ABTB2: variants seen among roughly 807,000 people sequenced by gnomAD.
The protein encoded by ABTB2 is ankyrin repeat and BTB domain containing 2.
In ABTB2, 56 loss-of-function variants were observed where a neutral mutation model predicts 104.1. The ratio of observed to expected loss-of-function variants is 0.54; its 90% CI spans 0.43 to 0.67. The LOEUF is 0.67. ABTB2 is among the 30% of genes least tolerant of loss of function. ABTB2 has a pLI of 0.00. For missense variants in ABTB2, 1,279 were observed against 1,407.7 expected (o/e 0.91, Z 1.46); for synonymous variants, 606 against 608.2 (o/e 1.00, Z 0.05).
intron 1 of ABTB2, among the ~76,000 whole-genome samples, chr11:34,275,643 C>T (rs991387723): frequency 2.6e-5 from 4 of 152,182 alleles, no homozygotes; most frequent in South Asian, 2.1e-4. Context: ...ATGTGGATCC[C>T]GACTCCGTGC....
chr11:34,199,231 C>T (rs935933364), intron 2 of ABTB2, among the ~76,000 whole-genome samples: 1 of 152,120 alleles, frequency 6.6e-6, no homozygotes, highest in Non-Finnish European at 1.5e-5. Flanking sequence ...GTTTGGCTTC[C>T]AGGCAGGGAC....
chr11:34,236,818 A>T (rs1956592944), intron 1 of ABTB2, among the ~76,000 whole-genome samples: 1 of 152,210 alleles, frequency 6.6e-6, no homozygotes, highest in South Asian at 2.1e-4. Flanking sequence ...CCTCTGCCCT[A>T]ATCATTCCAG....
chr11:34,255,872 A>G (rs1482390506), intron 1 of ABTB2, among the ~76,000 whole-genome samples: 1 of 152,168 alleles, frequency 6.6e-6, no homozygotes, highest in East Asian at 1.9e-4. Context: ...GAGGAGCCAT[A>G]AAAATAGAGG....
At chr11:34,165,496 A>G (rs1010916743) in intron 7 of ABTB2, 140 bp from the exon 8 acceptor site, 1 of 643,728 alleles carries the variant, frequency 1.6e-6, no homozygotes. Flanking sequence ...CAGCTGAGGA[A>G]CTGGAACTTT....
intron 1 of ABTB2, among the ~76,000 whole-genome samples, chr11:34,269,606 G>A (rs2755165): frequency 0.13 from 20,354 of 152,250 alleles, 3,981 homozygotes; most frequent in African/African-American, 0.43. Flanking sequence ...GCAACCAAAT[G>A]GTAAGGCTGT....
chr11:34,160,315 G>A lies in ABTB2; in HGVS notation c.2436C>T (p.Thr812=). 1.2e-6 allele frequency: 2 copies of A among 1,614,182 alleles called. No individual in the cohort carries two copies. Among genetic ancestry groups the A allele is most frequent in the Non-Finnish European group, 1.7e-6 (2 of 1,180,008 alleles). Residue 812 remains threonine, a synonymous_variant, in exon 12 of 17, where the codon ACC becomes ACT. Coordinates refer to ENST00000435224, the MANE Select transcript of ABTB2 (RefSeq NM_145804.3). ...GGATGGGACTGCTGCCATAGCAGTG[G>A]GTGAAGATGGTAGCCAGTTGCTGGA... The part of the protein sequence containing the change: ...SVIQQLATIF[T]HCYGSSPIPS...
Position 34,252,078 on chromosome 11 carries a change from T to C in ABTB2, c.884-47388A>G, listed in dbSNP as rs1290915100. Among the ~76,000 whole-genome samples the C allele has an allele frequency of 6.6e-6, 1 of 152,098 alleles. No individual in the cohort carries two copies. Among genetic ancestry groups the C allele is most frequent in the Non-Finnish European group, 1.5e-5 (1 of 68,022 alleles). On this transcript the variant is annotated intron_variant, in intron 1 of 16. Coordinates refer to ENST00000435224, the MANE Select transcript of ABTB2 (RefSeq NM_145804.3). The surrounding 1 kb of genome is among the most constrained non-coding windows in gnomAD (Gnocchi z 5.5). Reference sequence around the variant, plus strand: ...AATCCCAGGGAAGAGGAGAGTTTCATGAAAGCTGCAAAACTCACAGCAAGG... The same window carrying C: ...AATCCCAGGGAAGAGGAGAGTTTCACGAAAGCTGCAAAACTCACAGCAAGG...
chr11:34,282,719 A>G (rs374343514), intron 1 of ABTB2, among the ~76,000 whole-genome samples: 360 of 151,316 alleles, frequency 2.4e-3, no homozygotes, highest in African/African-American at 8.5e-3. Flanking sequence ...TTTAGTAGAG[A>G]CGGGGTTTCA....
intron 1 of ABTB2, among the ~76,000 whole-genome samples, chr11:34,250,976 C>T (rs879647206): frequency 1.3e-5 from 2 of 152,232 alleles, no homozygotes; most frequent in Non-Finnish European, 2.9e-5. Flanking sequence ...AGACTCACAT[C>T]CAGGTCTGTC....
chr11:34,276,340 T>C (rs1237468340), intron 1 of ABTB2, among the ~76,000 whole-genome samples: 1 of 152,216 alleles, frequency 6.6e-6, no homozygotes, highest in East Asian at 1.9e-4. Context: ...TTCCTTCTCC[T>C]CAAAACTTAA....
At position 34,151,155 on chromosome 11, in the gene ABTB2, C is replaced by T. The variant is rs998308215; in HGVS notation, c.*1232G>A. The T allele has an allele frequency of 7.2e-5, 11 of 152,604 alleles. No homozygotes were observed. The highest frequency in any genetic ancestry group is 1.6e-4 in the Non-Finnish European group (11 of 68,048). The allele number at this position is 152,604 out of a possible 1,614,324, so 9.5% of individuals were successfully genotyped here. A position where few individuals can be genotyped will look rare whatever the true frequency, so the allele number is the denominator to read the frequency against. ...CAAAATATTTTCCAGAATTGCAAGC[C>T]CCTGGGGGCTTTTCAGGGTGACCTG... On this transcript the variant is annotated 3_prime_UTR_variant, in exon 17 of 17. Transcript: ENST00000435224.
chr11:34,285,576 G>C (rs1361833031), intron 1 of ABTB2, among the ~76,000 whole-genome samples: 1 of 152,174 alleles, frequency 6.6e-6, no homozygotes, highest in Non-Finnish European at 1.5e-5. Context: ...GGGAGGCCAG[G>C]CGAGGGTTCA....
At chr11:34,335,187 C>A (rs996109381) in intron 1 of ABTB2, 1 of 1,265,462 alleles carries the variant, frequency 7.9e-7, no homozygotes, top group Non-Finnish European at 1.2e-6. Flanking sequence ...TACAACTACA[C>A]GGGTACCCCA....
chr11:34,250,159 A>G (rs956775191), intron 1 of ABTB2, among the ~76,000 whole-genome samples: 3 of 152,160 alleles, frequency 2.0e-5, no homozygotes, highest in African/African-American at 7.2e-5. Context: ...AAGAGCACAG[A>G]GGAGGGAAGG....
intron 3 of ABTB2, among the ~76,000 whole-genome samples, chr11:34,183,451 G>A (rs989148638): frequency 4.6e-5 from 7 of 152,218 alleles, no homozygotes; most frequent in South Asian, 2.1e-4. Context: ...TGGGACTACC[G>A]GGTGTAAACT....
rs1319557052 is a variant in ABTB2, at chr11:34,314,277, C to T, written c.883+42424G>A. On this transcript the variant is annotated intron_variant, in intron 1 of 16. Coordinates refer to ENST00000435224, the MANE Select transcript of ABTB2 (RefSeq NM_145804.3). The stretch of plus-strand genomic sequence containing the variant: ...TCACCAGACTTGAGGCTGTTCTTCT[C>T]GGATATGCTGAAACAGAGAAGAGGC... 3.3e-5 allele frequency among the ~76,000 whole-genome samples: 5 copies of T among 152,160 alleles called. No homozygotes were observed. In the South Asian group the frequency reaches 6.2e-4, roughly 19 times the overall value.
At chr11:34,322,363 G>A (rs1218973423) in intron 1 of ABTB2, among the ~76,000 whole-genome samples, 1 of 152,138 alleles carries the variant, frequency 6.6e-6, no homozygotes, top group Non-Finnish European at 1.5e-5. Flanking sequence ...ATCACTTGAG[G>A]TCAGGAGTTC....
intron 1 of ABTB2, among the ~76,000 whole-genome samples, chr11:34,282,822 G>A (rs928122296): frequency 4.6e-5 from 7 of 151,860 alleles, no homozygotes; most frequent in Non-Finnish European, 1.0e-4. Context: ...ATGAGCCACC[G>A]TGCCTGGCCT....
intron 3 of ABTB2, among the ~76,000 whole-genome samples, chr11:34,196,124 C>CT (rs770316211): frequency 1.3e-5 from 2 of 152,290 alleles, no homozygotes; most frequent in Non-Finnish European, 2.9e-5. Flanking sequence ...CAGACCTTAC[C>CT]TTAAGTGGCC....
Sources: allele counts gnomAD v4.1 joint callset (sites outside exome capture counted in the v4.1 genomes callset), GRCh38; gene constraint gnomAD v4.1.1; non-coding constraint Gnocchi (gnomAD v3.1); transcripts MANE v1.5; gene names NCBI Gene and HGNC (gene_info 2026-07-23, HGNC 2026-07-21).